Variants in FRMD4A observed in about 807,000 individuals in gnomAD.
FRMD4A encodes FERM domain containing 4A, also known as FERM domain-containing protein 4A.
FRMD4A carries 29 observed loss-of-function variants against 129.1 expected under a neutral mutation model. The ratio of observed to expected loss-of-function variants is 0.22; its 90% CI spans 0.17 to 0.31. The LOEUF is 0.31. FRMD4A is among the 10% of genes least tolerant of loss of function. The pLI is 1.00. For missense variants in FRMD4A, 1,272 were observed against 1,375.8 expected (o/e 0.92, Z 1.19); for synonymous variants, 634 against 571.6 (o/e 1.11, Z -1.56).
intron 2 of FRMD4A, among the ~76,000 whole-genome samples, chr10:14,042,746 C>G (rs1452252370): frequency 6.6e-6 from 1 of 151,494 alleles, no homozygotes; most frequent in Admixed American, 6.6e-5. Context: ...GTGGATCATT[C>G]GAGGTCAGGA....
rs1589297465 is a variant in FRMD4A, at chr10:14,312,815, G to A, written c.45+17243C>T. 2.0e-5 allele frequency among the ~76,000 whole-genome samples: 3 copies of A among 151,766 alleles called. No individual in the cohort carries two copies. In the East Asian group the frequency reaches 5.9e-4, roughly 30 times the overall value. On this transcript the variant is annotated intron_variant, in intron 2 of 24. Coordinates refer to ENST00000357447, the MANE Select transcript of FRMD4A (RefSeq NM_018027.5). The stretch of plus-strand genomic sequence containing the variant: ...TGAGAGATGGAGGCTGCAGTGAGCT[G>A]CAAGTACGCCACTGCACTCTAGCTT...
intron 2 of FRMD4A, among the ~76,000 whole-genome samples, chr10:14,206,801 C>T (rs1441866305): frequency 0.017 from 3 of 172 alleles, no homozygotes; most frequent in South Asian, 0.14. Context: ...CAGAGTGAGA[C>T]GCTATCTCAA....
chr10:13,938,673 G>T (rs2095267561), intron 2 of FRMD4A, among the ~76,000 whole-genome samples: 1 of 152,224 alleles, frequency 6.6e-6, no homozygotes, highest in East Asian at 1.9e-4. Context: ...GGTTAACAGT[G>T]ATCCTCCACT....
At chr10:13,782,045 C>T (rs981834230) in intron 6 of FRMD4A, among the ~76,000 whole-genome samples, 1 of 152,148 alleles carries the variant, frequency 6.6e-6, no homozygotes, top group Non-Finnish European at 1.5e-5. Flanking sequence ...AGAACTTACT[C>T]ATGTAACTAA....
rs113377920 is a variant in FRMD4A at position 14,091,021 on chromosome 10, C to G, written c.46-232109G>C. On this transcript the variant is annotated intron_variant, in intron 2 of 24. Transcript: ENST00000357447. ...GTGAAATATTACCTAGTCACTATCC[C>G]AGGTCCCTGACAGCATAGACCAGCA... Among the ~76,000 whole-genome samples, 1,261 of 152,182 alleles carry G rather than the reference C, an allele frequency of 8.3e-3. 25 individuals are homozygous for G. The highest frequency in any genetic ancestry group is 0.029 in the African/African-American group (1,195 of 41,504).
chr10:13,952,472 G>A (rs956017818), intron 2 of FRMD4A, among the ~76,000 whole-genome samples: 2 of 152,004 alleles, frequency 1.3e-5, no homozygotes, highest in Admixed American at 1.3e-4. Context: ...CTACATTCCA[G>A]CCCAGGTGAC....
At chr10:14,078,564 C>T (rs763112195) in intron 2 of FRMD4A, among the ~76,000 whole-genome samples, 1 of 152,204 alleles carries the variant, frequency 6.6e-6, no homozygotes, top group Non-Finnish European at 1.5e-5. Context: ...GCACCTACTA[C>T]GTGTGAGATG....
intron 2 of FRMD4A, chr10:14,326,640 A>G: frequency 2.5e-6 from 1 of 394,126 alleles, no homozygotes; most frequent in Non-Finnish European, 4.5e-6. Context: ...AAGAACCGAA[A>G]TGGCATCATA....
intron 2 of FRMD4A, among the ~76,000 whole-genome samples, chr10:14,196,285 A>C (rs1187504887): frequency 6.6e-6 from 1 of 152,106 alleles, no homozygotes; most frequent in African/African-American, 2.4e-5. Context: ...GCTCAACTCA[A>C]CCTTGAGCTA....
At chr10:14,264,731 A>C (rs561586847) in intron 2 of FRMD4A, among the ~76,000 whole-genome samples, 7 of 152,334 alleles carry the variant, frequency 4.6e-5, no homozygotes, top group Admixed American at 3.3e-4. Flanking sequence ...ACAAGAAAGA[A>C]CTAATTTTTT....
At chr10:13,707,503 G>GGAGAGGAGC (rs1357975927) in intron 12 of FRMD4A, 9 of 1,010,080 alleles carry the variant, frequency 8.9e-6, no homozygotes, top group African/African-American at 3.4e-5. Flanking sequence ...GCGGGTGAGG[G>GGAGAGGAGC]GAGAGGAGCG....
intron 2 of FRMD4A, among the ~76,000 whole-genome samples, chr10:13,912,715 G>A (rs1005966119): frequency 1.3e-5 from 2 of 151,802 alleles, no homozygotes; most frequent in Admixed American, 1.3e-4. Context: ...ATTTTTAGTA[G>A]AGACGGGGTT....
chr10:13,685,560 C>T (rs964582558), intron 15 of FRMD4A: 1 of 985,274 alleles, frequency 1.0e-6, no homozygotes, highest in Non-Finnish European at 1.2e-6. Context: ...CTGTGAATTT[C>T]AGTCATCCTC....
chr10:13,883,864 C>T (rs2094574021), intron 2 of FRMD4A, among the ~76,000 whole-genome samples: 1 of 152,160 alleles, frequency 6.6e-6, no homozygotes, highest in African/African-American at 2.4e-5. Context: ...TCTATAAATA[C>T]TCTCCCTGTT....
At chr10:14,269,747 T>C (rs528251966) in intron 2 of FRMD4A, among the ~76,000 whole-genome samples, 1 of 152,312 alleles carries the variant, frequency 6.6e-6, no homozygotes, top group African/African-American at 2.4e-5. Context: ...ATTTTGGGTG[T>C]CAATGTGACT....
At chr10:14,181,388 G>C (rs1221114183) in intron 2 of FRMD4A, among the ~76,000 whole-genome samples, 3 of 152,170 alleles carry the variant, frequency 2.0e-5, no homozygotes, top group Non-Finnish European at 2.9e-5. Flanking sequence ...CCCCGTGTTT[G>C]CTCAGAAGAC....
At chr10:14,111,102 T>C (rs927115229) in intron 2 of FRMD4A, among the ~76,000 whole-genome samples, 1 of 152,240 alleles carries the variant, frequency 6.6e-6, no homozygotes, top group Non-Finnish European at 1.5e-5. Flanking sequence ...ATTTTCATCT[T>C]GCAAAACAGA....
chr10:13,717,150 C>T (rs2088890530), intron 12 of FRMD4A, among the ~76,000 whole-genome samples: 1 of 152,160 alleles, frequency 6.6e-6, no homozygotes, highest in Non-Finnish European at 1.5e-5. Flanking sequence ...GAAAAAAAGC[C>T]AAGGCTAATT....
intron 2 of FRMD4A, among the ~76,000 whole-genome samples, chr10:14,287,792 C>T (rs187741644): frequency 6.6e-6 from 1 of 152,314 alleles, no homozygotes; most frequent in African/African-American, 2.4e-5. Flanking sequence ...ACTGCTCTCT[C>T]TGCCAGTTCT....
Sources: gnomAD v4.1 joint callset for allele counts (sites outside exome capture counted in the v4.1 genomes callset) on GRCh38, gnomAD v4.1.1 for gene constraint, MANE v1.5 for transcripts, NCBI Gene and HGNC (gene_info 2026-07-23, HGNC 2026-07-21) for gene names.